The following SYNE1 variants were observed in gnomAD, a reference collection of about 807,000 sequenced individuals.
SYNE1 encodes spectrin repeat containing nuclear envelope protein 1.
Under a neutral mutation model 1,111.0 loss-of-function variants are expected in SYNE1, and 616 were observed. That is an observed-to-expected ratio of 0.55 (90% confidence interval 0.52 to 0.59). The LOEUF is 0.59. Among genes scored for constraint, SYNE1 ranks in the 20% least tolerant of loss-of-function variants. The pLI is 0.00. For missense variants in SYNE1, 10,006 were observed against 10,417.0 expected, an observed-to-expected ratio of 0.96 and a Z score of 1.72; for synonymous variants, 3,855 against 3,825.8, an observed-to-expected ratio of 1.01 and a Z score of -0.28.
Position 152,233,848 on chromosome 6 carries a change from G to A in SYNE1, c.20645C>T (p.Ser6882Leu), listed in dbSNP as rs373012438. 1.9e-5 allele frequency: 31 copies of A among 1,614,058 alleles called. 1 individual carries two copies. Among genetic ancestry groups the A allele is most frequent in the Non-Finnish European group, 2.5e-5 (29 of 1,180,038 alleles). The change falls in exon 112 of 146, where the codon TCG becomes TTG. Residue 6882 changes from serine (S) to leucine (L), a missense_variant. Ser to Leu is a moderately radical substitution (Grantham distance 145, BLOSUM62 -2). Transcript: ENST00000367255. ...GTCAGTCCACTGGCTATCAATGCGC[G>A]ACAGCTCAGAGCGCAGCGTGGCTGT... Reference protein sequence around the residue: ...VDTATLRSELSRIDSQWTDLL... With the variant: ...VDTATLRSELLRIDSQWTDLL...
intron 121 of SYNE1, 135 bp downstream of exon 121, chr6:152,218,122 G>A: frequency 9.9e-7 from 1 of 1,011,584 alleles, no homozygotes; most frequent in Middle Eastern, 3.0e-4. Flanking sequence ...AACCCGGAAA[G>A]CAGAGGTTGC....
chr6:152,428,174 G>C, intron 37 of SYNE1, 31 bp downstream of exon 37: 1 of 1,610,496 alleles, frequency 6.2e-7, no homozygotes, highest in Non-Finnish European at 8.5e-7. Flanking sequence ...CTATTTAGTA[G>C]TGCAGCAACT....
chr6:152,332,843 G>A (rs142793890), intron 77 of SYNE1, among the ~76,000 whole-genome samples: 1 of 152,274 alleles, frequency 6.6e-6, no homozygotes, highest in African/African-American at 2.4e-5. Flanking sequence ...TTTACTAAAT[G>A]ATCAGTTCTG....
At chr6:152,428,521 T>C (rs1446766611) in intron 36 of SYNE1, 129 bp from the exon 37 acceptor site, 3 of 835,248 alleles carry the variant, frequency 3.6e-6, no homozygotes, top group Admixed American at 4.0e-5. Context: ...TAAGAATGGG[T>C]ACAAATATAC....
chr6:152,278,072 G>A lies in SYNE1; in HGVS notation c.18573+17C>T. The stretch of plus-strand genomic sequence containing the variant: ...TGTGCCAACTTTCAGCTGTGGGCCA[G>A]CGGCTGGAACCCTCACCTGCATGTT... On this transcript the variant is annotated intron_variant, in intron 98 of 145. Transcript: ENST00000367255. The A allele has an allele frequency of 6.2e-7, 1 of 1,613,504 alleles. No homozygotes were observed. The highest frequency in any genetic ancestry group is 8.5e-7 in the Non-Finnish European group (1 of 1,179,828).
At chr6:152,600,682 C>A in intron 3 of SYNE1, among the ~76,000 whole-genome samples, 1 of 152,128 alleles carries the variant, frequency 6.6e-6, no homozygotes, top group East Asian at 1.9e-4. Context: ...TCCCTTTCTT[C>A]TTGGCTTTGC....
intron 11 of SYNE1, among the ~76,000 whole-genome samples, chr6:152,492,233 C>T (rs908397686): frequency 6.6e-6 from 1 of 152,190 alleles, no homozygotes; most frequent in Non-Finnish European, 1.5e-5. Flanking sequence ...CAACCCACTC[C>T]CAACATTAGA....
At chr6:152,190,322 C>T (rs901457533) in intron 127 of SYNE1, among the ~76,000 whole-genome samples, 1 of 152,220 alleles carries the variant, frequency 6.6e-6, no homozygotes, top group Admixed American at 6.5e-5. Flanking sequence ...GCTACTCCCT[C>T]CACCACTGAA....
At chr6:152,351,283 G>A (rs1273076316) in intron 70 of SYNE1, among the ~76,000 whole-genome samples, 2 of 152,208 alleles carry the variant, frequency 1.3e-5, no homozygotes, top group Non-Finnish European at 2.9e-5. Flanking sequence ...TCAAAGACAA[G>A]TTGTCGGGCT....
At chr6:152,439,060 C>CAA (rs2098503097) in intron 32 of SYNE1, among the ~76,000 whole-genome samples, 1 of 152,124 alleles carries the variant, frequency 6.6e-6, no homozygotes, top group Non-Finnish European at 1.5e-5. Flanking sequence ...ATACCTATTT[C>CAA]TTAGGACTGT....
Position 152,155,250 on chromosome 6 carries a change from A to G in SYNE1, c.23979-208T>C, listed in dbSNP as rs1192916653. The G allele has an allele frequency of 1.6e-5, 9 of 562,142 alleles. No individual in the cohort carries two copies. In the East Asian group the frequency reaches 2.8e-4, roughly 17 times the overall value. The allele number at this position is 562,142 out of a possible 1,614,324, so 34.8% of individuals were successfully genotyped here. A position where few individuals can be genotyped will look rare whatever the true frequency, so the allele number is the denominator to read the frequency against. On this transcript the variant is annotated intron_variant, in intron 132 of 145. Transcript: ENST00000367255. ...AAACGGCTGTTTTATTTTTTTAAAA[A>G]CACGTCCTGCAACTCTGGATTTTGA... is the stretch of plus-strand genomic sequence containing the variant.
chr6:152,273,338 T>C (rs1432682494), intron 98 of SYNE1, among the ~76,000 whole-genome samples: 1 of 152,254 alleles, frequency 6.6e-6, no homozygotes, highest in Non-Finnish European at 1.5e-5. Flanking sequence ...CAGTTGGTTA[T>C]TGTTATTAAT....
intron 14 of SYNE1, among the ~76,000 whole-genome samples, chr6:152,473,250 C>G (rs1011003512): frequency 6.6e-6 from 1 of 152,108 alleles, no homozygotes; most frequent in Admixed American, 6.6e-5. Flanking sequence ...AGAATAAATA[C>G]AGTACTTAAA....
At chr6:152,226,287 T>A (rs543069435) in intron 115 of SYNE1, among the ~76,000 whole-genome samples, 73 of 148,992 alleles carry the variant, frequency 4.9e-4, no homozygotes, top group African/African-American at 1.8e-3. Flanking sequence ...TTCTGGGCCC[T>A]AGTATCTGAG....
intron 116 of SYNE1, among the ~76,000 whole-genome samples, chr6:152,225,396 T>C (rs952159911): frequency 2.6e-5 from 4 of 152,114 alleles, no homozygotes; most frequent in Non-Finnish European, 5.9e-5. Context: ...GAAAAGTGTT[T>C]AGCTTGGTTT....
chr6:152,185,475 A>T (rs1489056645), intron 128 of SYNE1: 1 of 152,212 alleles, frequency 6.6e-6, no homozygotes, highest in South Asian at 2.1e-4. Flanking sequence ...CACCAGAAAC[A>T]ACTAACTCAA....
intron 138 of SYNE1, among the ~76,000 whole-genome samples, chr6:152,142,980 C>T (rs917726496): frequency 3.9e-5 from 6 of 152,116 alleles, no homozygotes; most frequent in African/African-American, 9.7e-5. Context: ...TCCTTAAGTA[C>T]GCGTAGGAAA....
chr6:152,337,275 T>C (rs1208478259), intron 75 of SYNE1, among the ~76,000 whole-genome samples: 2 of 148,870 alleles, frequency 1.3e-5, no homozygotes, highest in Admixed American at 6.8e-5. Context: ...TTAATCAGTG[T>C]TGTGAAACTC....
chr6:152,432,715 C>T (rs1236410166), intron 34 of SYNE1, among the ~76,000 whole-genome samples: 1 of 151,970 alleles, frequency 6.6e-6, no homozygotes, highest in Non-Finnish European at 1.5e-5. Flanking sequence ...ATTTTTGAGA[C>T]AAAACTATTT....
Sources: allele counts gnomAD v4.1 joint callset (sites outside exome capture counted in the v4.1 genomes callset), GRCh38; gene constraint gnomAD v4.1.1; transcripts MANE v1.5; gene names NCBI Gene and HGNC (gene_info 2026-07-23, HGNC 2026-07-21).